HMGCLL1: variants seen among roughly 807,000 people sequenced by gnomAD.
HMGCLL1 encodes the protein 3-hydroxy-3-methylglutaryl-CoA lyase like 1.
Under a neutral mutation model 39.1 loss-of-function variants are expected in HMGCLL1, and 36 were observed. That is an observed-to-expected ratio of 0.92 (90% CI 0.71 to 1.22). The LOEUF is 1.22. HMGCLL1 is among the 50% of genes most tolerant of loss of function. HMGCLL1 has a pLI of 0.00. For synonymous variants in HMGCLL1, 149 were observed against 144.0 expected, an observed-to-expected ratio of 1.03 and a Z score of -0.25; for missense variants, 451 against 416.5, an observed-to-expected ratio of 1.08 and a Z score of -0.72.
intron 3 of HMGCLL1, among the ~76,000 whole-genome samples, chr6:55,540,936 C>A (rs531250375): frequency 3.3e-5 from 5 of 152,114 alleles, no homozygotes; most frequent in African/African-American, 1.2e-4. Flanking sequence ...TGAAAGATGT[C>A]AGAGATGACA....
At chr6:55,596,053 G>T in the HMGCLL1 span, among the ~76,000 whole-genome samples, 8 of 152,156 alleles carry the variant, frequency 5.3e-5, no homozygotes, top group Admixed American at 3.3e-4. Context: ...AGTTGGGCTC[G>T]ATGGCTCATG....
the HMGCLL1 span, among the ~76,000 whole-genome samples, chr6:55,618,872 C>T: frequency 6.6e-6 from 1 of 152,098 alleles, no homozygotes; most frequent in Non-Finnish European, 1.5e-5. Flanking sequence ...TAAAATTTTA[C>T]ACCTAGTGAA....
the HMGCLL1 span, among the ~76,000 whole-genome samples, chr6:55,638,009 A>G: frequency 1.2e-4 from 18 of 152,110 alleles, no homozygotes; most frequent in East Asian, 2.7e-3. Flanking sequence ...CATGATCTAA[A>G]TAGCTGTGAC....
At chr6:55,513,907 G>T in intron 5 of HMGCLL1, 141 bp downstream of exon 5, 1 of 698,292 alleles carries the variant, frequency 1.4e-6, no homozygotes, top group Non-Finnish European at 2.3e-6. Flanking sequence ...TAACTATATA[G>T]TGATTACCCT....
At chr6:55,629,455 C>T in the HMGCLL1 span, among the ~76,000 whole-genome samples, 1 of 152,152 alleles carries the variant, frequency 6.6e-6, no homozygotes, top group African/African-American at 2.4e-5. Flanking sequence ...AAGTTCAGAA[C>T]ATTTGCAGCC....
At chr6:55,542,517 C>T (rs886115689) in intron 1 of HMGCLL1, among the ~76,000 whole-genome samples, 3 of 151,872 alleles carry the variant, frequency 2.0e-5, no homozygotes, top group East Asian at 1.9e-4. Flanking sequence ...CAGTGGCTCA[C>T]GCCTGTAATC....
chr6:55,669,190 A>C, the HMGCLL1 span, among the ~76,000 whole-genome samples: 2 of 151,858 alleles, frequency 1.3e-5, no homozygotes, highest in African/African-American at 4.8e-5. Flanking sequence ...ATCTATCATT[A>C]GTAGCATACA....
At chr6:55,582,682 T>C (rs997871323), upstream of HMGCLL1, among the ~76,000 whole-genome samples, 8 of 152,142 alleles carry the variant, frequency 5.3e-5, no homozygotes, top group African/African-American at 1.9e-4. Flanking sequence ...TTTTGAGAAA[T>C]TCAGAAGATA....
chr6:55,658,891 C>A, the HMGCLL1 span, among the ~76,000 whole-genome samples: 1 of 151,780 alleles, frequency 6.6e-6, no homozygotes, highest in East Asian at 1.9e-4. Context: ...AATATCAAAG[C>A]ACAGCGACCC....
chr6:55,512,790 G>A (rs1296359637), intron 5 of HMGCLL1: 1 of 152,032 alleles, frequency 6.6e-6, no homozygotes, highest in Non-Finnish European at 1.5e-5. Context: ...TCAACTAAGG[G>A]AAGTACAGCC....
chr6:55,477,268 A>ATT lies in HMGCLL1; in HGVS notation c.795+18150_795+18151insAA, dbSNP rs1205397476. Among the ~76,000 whole-genome samples, 3 of 18,412 alleles carry ATT rather than the reference A, an allele frequency of 1.6e-4. No homozygotes were observed. In the African/African-American group the frequency reaches 1.8e-3, roughly 11 times the overall value. 12.1% of individuals were successfully genotyped at this position (18,412 alleles called of 152,430 possible). On this transcript the variant is annotated intron_variant, in intron 7 of 8. Coordinates refer to ENST00000274901, the MANE Select transcript of HMGCLL1 (RefSeq NM_001042406.2). ...ATATAATATATAATATATATTATAT[A>ATT]ATATATATTATATATTATATATAAA...
At chr6:55,626,544 C>G in the HMGCLL1 span, among the ~76,000 whole-genome samples, 1 of 152,076 alleles carries the variant, frequency 6.6e-6, no homozygotes, top group African/African-American at 2.4e-5. Flanking sequence ...GATTCAGCAT[C>G]CAATATATGG....
the HMGCLL1 span, among the ~76,000 whole-genome samples, chr6:55,661,079 A>T: frequency 1.3e-5 from 2 of 151,712 alleles, no homozygotes; most frequent in Non-Finnish European, 2.9e-5. Context: ...TTTTTCTTGT[A>T]TATTTGTTTA....
chr6:55,649,994 G>C, the HMGCLL1 span, among the ~76,000 whole-genome samples: 2 of 145,410 alleles, frequency 1.4e-5, no homozygotes, highest in African/African-American at 2.5e-5. Context: ...TTCCTTCTCT[G>C]TGTTACCTTG....
chr6:55,572,979 G>A (rs1413175821), intron 1 of HMGCLL1, among the ~76,000 whole-genome samples: 1 of 152,206 alleles, frequency 6.6e-6, no homozygotes, highest in Non-Finnish European at 1.5e-5. Context: ...TTCTGTATGA[G>A]CAACTGAGAA....
At chr6:55,677,642 A>G in the HMGCLL1 span, among the ~76,000 whole-genome samples, 1 of 152,272 alleles carries the variant, frequency 6.6e-6, no homozygotes, top group African/African-American at 2.4e-5. Flanking sequence ...GAATATTATA[A>G]TTCCTACATT....
At chr6:55,648,344 A>G in the HMGCLL1 span, among the ~76,000 whole-genome samples, 2 of 149,592 alleles carry the variant, frequency 1.3e-5, no homozygotes, top group Non-Finnish European at 3.0e-5. Context: ...AAGCTAGCAG[A>G]AGGCAAGAAA....
intron 7 of HMGCLL1, among the ~76,000 whole-genome samples, chr6:55,491,826 G>T (rs1044828822): frequency 2.6e-5 from 4 of 151,934 alleles, no homozygotes; most frequent in African/African-American, 9.7e-5. Context: ...CCCACACTGG[G>T]ATCGACATGC....
At chr6:55,549,770 T>G (rs1192216874) in intron 1 of HMGCLL1, among the ~76,000 whole-genome samples, 2 of 151,952 alleles carry the variant, frequency 1.3e-5, no homozygotes, top group African/African-American at 2.4e-5. Context: ...TTCATTACTT[T>G]TTTTTTGTTA....
Sources: gnomAD v4.1 joint callset for allele counts (sites outside exome capture counted in the v4.1 genomes callset) on GRCh38, gnomAD v4.1.1 for gene constraint, MANE v1.5 for transcripts, NCBI Gene and HGNC (gene_info 2026-07-23, HGNC 2026-07-21) for gene names.